Variants in C3 observed in about 807,000 individuals in gnomAD.
C3 encodes C3 and PZP-like alpha-2-macroglobulin domain-containing protein 1.
In C3, 97 loss-of-function variants were observed where a neutral mutation model predicts 207.9. That is an observed-to-expected ratio of 0.47 (90% CI 0.40 to 0.55). The LOEUF (loss-of-function observed/expected upper bound fraction) is 0.55, where lower values mean the gene tolerates loss of function less well. C3 is among the 20% of genes least tolerant of loss of function. The probability of loss-of-function intolerance (pLI) is 0.00; values close to 1 mark genes in which losing one functional copy is unlikely to be tolerated. For synonymous variants in C3, 848 were observed against 857.6 expected (o/e 0.99, Z 0.20); for missense variants, 1,684 against 2,171.7 (o/e 0.78, Z 4.46).
rs775974686 is a variant in C3 at position 6,713,476 on chromosome 19, G to A, written c.807C>T (p.Ala269=). ...FLYGKKVEGT[A]FVIFGIQDGE... ...CATCCTGGATCCCGAAGATGACAAA[G>A]GCAGTTCCCTCCACTTTCTTCCCGT... The change falls in exon 8 of 41, where the codon GCC becomes GCT. Residue 269 remains alanine, a synonymous_variant. Transcript: ENST00000245907. The A allele has an allele frequency of 1.9e-6, 3 of 1,613,868 alleles. No individual in the cohort carries two copies. Among genetic ancestry groups the A allele is most frequent in the East Asian group, 2.2e-5 (1 of 44,866 alleles).
chr19:6,694,672 T>G, intron 23 of C3, 38 bp from the exon 24 acceptor site: 2 of 1,591,798 alleles, frequency 1.3e-6, no homozygotes, highest in South Asian at 1.1e-5. Flanking sequence ...TCAAGCCAGG[T>G]GGGTGACCCA....
rs137956083 is a variant in C3, at chr19:6,697,470, G to T, written c.2670C>A (p.Pro890=). 1 of 1,613,578 alleles carries T rather than the reference G, an allele frequency of 6.2e-7. No individual in the cohort carries two copies. Among genetic ancestry groups the T allele is most frequent in the East Asian group, 2.2e-5 (1 of 44,890 alleles). ...RRHQQTVTIP[P]KSSLSVPYVI... is the part of the protein sequence containing the mutation. The stretch of plus-strand genomic sequence containing the variant: ...CATATGGAACGGACAACGAGGACTT[G>T]GGGGGGATGGTTACGGTCTGCTGGT... The change falls in exon 21 of 41, where the codon CCC becomes CCA. Residue 890 remains proline (P), a synonymous_variant. Transcript: ENST00000245907.
At position 6,690,875 on chromosome 19, in the gene C3, C is replaced by A. The variant is rs551366243; in HGVS notation, c.3391-148G>T. ...CCGCTACCCTAGGAAGGTCAAACTT[C>A]TTAGTATTAATTCATGCAACAATTT... is the stretch of plus-strand genomic sequence containing the variant. On this transcript the variant is annotated intron_variant, in intron 26 of 40. Transcript: ENST00000245907. 4.3e-6 allele frequency: 3 copies of A among 698,924 alleles called. No individual in the cohort carries two copies. In the East Asian group the frequency reaches 8.1e-5, roughly 19 times the overall value. 43.3% of individuals were successfully genotyped at this position (698,924 alleles called of 1,614,324 possible). A position where few individuals can be genotyped will look rare whatever the true frequency, so the allele number is the denominator to read the frequency against.
intron 19 of C3, among the ~76,000 whole-genome samples, chr19:6,701,212 G>T (rs540086564): frequency 5.3e-5 from 8 of 152,090 alleles, no homozygotes; most frequent in Admixed American, 4.6e-4. Flanking sequence ...GATTTTCCCC[G>T]ATGATGAGCA....
chr19:6,712,712 ACCT>A (rs1967945360), intron 9 of C3, 89 bp from the exon 10 acceptor site: 3 of 1,072,470 alleles, frequency 2.8e-6, no homozygotes, highest in Non-Finnish European at 2.9e-6. Context: ...TTCAGACTAG[ACCT>A]CCTCCCTCAG....
At chr19:6,686,409 T>C in intron 28 of C3, 122 bp from the exon 29 acceptor site, 1 of 1,068,642 alleles carries the variant, frequency 9.4e-7, no homozygotes, top group Non-Finnish European at 1.4e-6. Context: ...TGGCTGACAT[T>C]CGAGGCTCTC....
chr19:6,699,624 G>A (rs1204109783), intron 19 of C3, among the ~76,000 whole-genome samples: 5 of 143,340 alleles, frequency 3.5e-5, no homozygotes, highest in Non-Finnish European at 7.5e-5. Flanking sequence ...CTCCATCCTA[G>A]GTGACAGAGC....
Position 6,718,358 on chromosome 19 carries a change from C to G in C3, c.322G>C (p.Val108Leu). Residue 108 changes from valine (V) to leucine (L), a missense_variant, in exon 3 of 41, where the codon GTG (valine) becomes CTG (leucine). This residue lies in a region of C3 where 1,280 missense variants were observed against 1,739.1 expected (regional missense o/e 0.74). Transcript: ENST00000245907. Reference protein sequence around the residue: ...SEKGRNKFVTVQATFGTQVVE... With the variant: ...SEKGRNKFVTLQATFGTQVVE... ...ACTTGGGTCCCGAAGGTGGCCTGCA[C>G]GGTCACGAACTTGTTGCGCCCCTTT... is the stretch of plus-strand genomic sequence containing the variant. 6.2e-7 allele frequency: 1 copy of G among 1,614,232 alleles called. No homozygotes were observed. Among genetic ancestry groups the G allele is most frequent in the Non-Finnish European group, 8.5e-7 (1 of 1,180,044 alleles).
chr19:6,712,318 C>T lies in C3; in HGVS notation c.1208G>A (p.Gly403Glu), dbSNP rs774728771. The T allele has an allele frequency of 6.2e-7, 1 of 1,614,126 alleles. No homozygotes were observed. The highest frequency in any genetic ancestry group is 2.2e-5 in the East Asian group (1 of 44,884). Residue 403 changes from glycine to glutamate, a missense_variant, in exon 11 of 41, where the codon GGA becomes GAA. Physicochemically the swap from Gly to Glu is moderately conservative, Grantham distance 98. Coordinates refer to ENST00000245907, the MANE Select transcript of C3 (RefSeq NM_000064.4). Reference protein sequence around the residue: ...GEDTVQSLTQGDGVAKLSINT... With the variant: ...GEDTVQSLTQEDGVAKLSINT... ...GATGCTGAGTTTGGCCACGCCATCT[C>T]CCTGGGTTAGAGACTGCACAGTGTC...
In C3 at chr19:6,696,448, C is replaced by T; in HGVS notation, c.2881G>A (p.Asp961Asn). ...TCACTGAGGTCTGCAGGTGGGATGT[C>T]CTCTTTCTGCACTCCTTCTGCAGGG... Reference protein sequence around the residue: ...RLGREGVQKEDIPPADLSDQV... With the variant: ...RLGREGVQKENIPPADLSDQV... Residue 961 changes from aspartate to asparagine, a missense_variant, in exon 23 of 41, where the codon GAC (aspartate) becomes AAC (asparagine). By Grantham distance (23) the Asp-to-Asn change is conservative. Transcript: ENST00000245907. 2 of 1,613,508 alleles carry T rather than the reference C, an allele frequency of 1.2e-6. No homozygotes were observed. The highest frequency in any genetic ancestry group is 1.7e-6 in the Non-Finnish European group (2 of 1,179,558).
chr19:6,688,887 ATATAGTCATC>A (rs1254363562), intron 27 of C3, among the ~76,000 whole-genome samples: 8 of 152,134 alleles, frequency 5.3e-5, no homozygotes, highest in African/African-American at 1.9e-4. Context: ...ATTGGTCCAG[ATATAGTCATC>A]TGACCCAGGC....
intron 35 of C3, among the ~76,000 whole-genome samples, chr19:6,681,461 C>T (rs1322404664): frequency 1.3e-5 from 2 of 151,528 alleles, no homozygotes; most frequent in Non-Finnish European, 2.9e-5. Flanking sequence ...CAGGAGGATC[C>T]CTTGAGCCCA....
At chr19:6,702,714 A>C in intron 17 of C3, 135 bp from the exon 18 acceptor site, 2 of 714,548 alleles carry the variant, frequency 2.8e-6, no homozygotes, top group South Asian at 2.9e-5. Context: ...CCTAGCTAAC[A>C]TGGTGAAACC....
intron 14 of C3, 128 bp downstream of exon 14, chr19:6,709,556 G>A: frequency 9.5e-7 from 1 of 1,055,144 alleles, no homozygotes; most frequent in South Asian, 1.3e-5. Flanking sequence ...CCTGTGTCTG[G>A]TCTGCTCCGA....
At chr19:6,689,374 T>TCTCTCTCTCTCCTCTCTCTCTCTC (rs1555684228) in intron 27 of C3, among the ~76,000 whole-genome samples, 1 of 116,310 alleles carries the variant, frequency 8.6e-6, no homozygotes, top group African/African-American at 4.1e-5. Flanking sequence ...TCTCTCTCTC[T>TCTCTCTCTCTCCTCTCTCTCTCTC]CTCTCTCTCT....
Position 6,678,303 on chromosome 19 carries a change from G to A in C3, c.4715-16C>T, listed in dbSNP as rs754058017. 3.7e-6 allele frequency: 6 copies of A among 1,614,092 alleles called. No homozygotes were observed. In the South Asian group the frequency reaches 5.5e-5, roughly 15 times the overall value. On this transcript the variant is annotated splice_polypyrimidine_tract_variant and intron_variant, in intron 39 of 40. Transcript: ENST00000245907. ...TCATCCGAGCCTGGAGTGGAGGGGA[G>A]AGGGAAGAAGCTGAGTCGTGGGGAG...
intron 20 of C3, 31 bp from the exon 21 acceptor site, chr19:6,697,587 G>A (rs1214443849): frequency 6.2e-7 from 1 of 1,613,766 alleles, no homozygotes; most frequent in Non-Finnish European, 8.5e-7. Context: ...CCGGGCAAGT[G>A]TGTGTGCAAC....
rs1445075668 is a variant in C3 at position 6,719,243 on chromosome 19, C to T, written c.235G>A (p.Ala79Thr). Reference sequence around the variant, plus strand: ...GTGACGTTGCCCATGTGGTTGGTGGCAGGGGTCAGCACAGTCTTCTCACTG... The same window carrying T: ...GTGACGTTGCCCATGTGGTTGGTGGTAGGGGTCAGCACAGTCTTCTCACTG... ...LSSEKTVLTP[A>T]TNHMGNVTFT... The change falls in exon 2 of 41, where the codon GCC becomes ACC. Residue 79 changes from alanine (A) to threonine (T), a missense_variant. This residue lies in a region of C3 where 1,280 missense variants were observed against 1,739.1 expected (regional missense o/e 0.74). Transcript: ENST00000245907. This position sits in a 1 kb window ranked among gnomAD's most constrained non-coding sequence, Gnocchi z 5.4. 6.2e-7 allele frequency: 1 copy of T among 1,613,988 alleles called. No individual in the cohort carries two copies. Among genetic ancestry groups the T allele is most frequent in the Admixed American group, 1.7e-5 (1 of 60,008 alleles).
At chr19:6,707,344 A>AC in intron 16 of C3, 71 bp from the exon 17 acceptor site, 1 of 1,598,170 alleles carries the variant, frequency 6.3e-7, no homozygotes, top group Non-Finnish European at 8.6e-7. Flanking sequence ...CGCGGGACGG[A>AC]CCCCAGGGAG....
Sources: gnomAD v4.1 joint callset for allele counts (sites outside exome capture counted in the v4.1 genomes callset) on GRCh38, gnomAD v4.1.1 for gene constraint, gnomAD v4.1.1 regional missense constraint, Gnocchi (gnomAD v3.1) non-coding constraint, MANE v1.5 for transcripts, NCBI Gene and HGNC (gene_info 2026-07-23, HGNC 2026-07-21) for gene names.